The following TMCC3 variants were observed in gnomAD, a reference collection of about 807,000 sequenced individuals.
TMCC3 encodes the protein transmembrane and coiled-coil domain family 3, also known as transmembrane and coiled-coil domain protein 3.
In TMCC3, 28 loss-of-function variants were observed where a neutral mutation model predicts 40.2. The ratio of observed to expected loss-of-function variants is 0.70; its 90% CI spans 0.52 to 0.95. The LOEUF (loss-of-function observed/expected upper bound fraction) is 0.95, where lower values mean the gene tolerates loss of function less well. Ranked by LOEUF, TMCC3 falls within the 40% of genes least tolerant of loss-of-function variation. The pLI, the probability that TMCC3 is intolerant of heterozygous loss-of-function variation, is 0.00. For synonymous variants in TMCC3, 255 were observed against 248.5 expected (o/e 1.03, Z -0.25); for missense variants, 554 against 615.2 (o/e 0.90, Z 1.05).
chr12:94,634,593 G>C (rs1418697810), intron 1 of TMCC3, among the ~76,000 whole-genome samples: 1 of 152,128 alleles, frequency 6.6e-6, no homozygotes, highest in Non-Finnish European at 1.5e-5. Context: ...CAGAGTGCGA[G>C]TCAAACTTCT....
intron 1 of TMCC3, among the ~76,000 whole-genome samples, chr12:94,619,665 A>G (rs1395276568): frequency 6.6e-6 from 1 of 152,214 alleles, no homozygotes; most frequent in Non-Finnish European, 1.5e-5. Context: ...CTTTGACCTA[A>G]CAGTTTTGCT....
At chr12:94,648,432 G>A (rs762890980) in intron 1 of TMCC3, among the ~76,000 whole-genome samples, 1 of 151,956 alleles carries the variant, frequency 6.6e-6, no homozygotes, top group Non-Finnish European at 1.5e-5. Context: ...TCACCATCTC[G>A]GCCAGGCTGG....
In TMCC3 at chr12:94,582,115, T is replaced by C. The variant is rs201648269; in HGVS notation, c.502A>G (p.Lys168Glu). The change falls in exon 2 of 4, where the codon AAA becomes GAA. Residue 168 changes from lysine (K) to glutamate (E), a missense_variant. Transcript: ENST00000261226. ...GTTCGAGATTTCACGTGGGCATCTT[T>C]CAAAGAGCGATGTATATCCTTCAGG... ...DHLKDIHRSL[K>E]DAHVKSRTAP... The C allele has an allele frequency of 1.2e-6, 2 of 1,614,188 alleles. No homozygotes were observed. Among genetic ancestry groups the C allele is most frequent in the African/African-American group, 2.7e-5 (2 of 75,040 alleles).
intron 1 of TMCC3, among the ~76,000 whole-genome samples, chr12:94,622,036 A>G (rs1043386745): frequency 2.0e-5 from 3 of 152,240 alleles, no homozygotes; most frequent in Non-Finnish European, 4.4e-5. Flanking sequence ...AACCAGGTGA[A>G]GCGGGAACAC....
chr12:94,567,938 A>G lies in TMCC3; in HGVS notation c.*3497T>C, dbSNP rs2068504395. 6.6e-6 allele frequency: 1 copy of G among 152,240 alleles called. No homozygotes were observed. Among genetic ancestry groups the G allele is most frequent in the African/African-American group, 2.4e-5 (1 of 41,458 alleles). The allele number at this position is 152,240 out of a possible 1,614,324, so 9.4% of individuals were successfully genotyped here. ...TGAGGGAAGCTAGTTCCTCATTATT[A>G]CTGAGCCCATAATTAAACCTGATAT... On this transcript the variant is annotated 3_prime_UTR_variant, in exon 4 of 4. Transcript: ENST00000261226.
At chr12:94,635,744 A>C (rs1193550099) in intron 1 of TMCC3, among the ~76,000 whole-genome samples, 1 of 138,208 alleles carries the variant, frequency 7.2e-6, no homozygotes, top group South Asian at 2.2e-4. Context: ...ATCTTGGCTC[A>C]CTGCAACCTC....
At chr12:94,594,406 T>C (rs905181083) in intron 1 of TMCC3, among the ~76,000 whole-genome samples, 1 of 152,066 alleles carries the variant, frequency 6.6e-6, no homozygotes, top group Non-Finnish European at 1.5e-5. Context: ...CCAGGCCTAA[T>C]TTTAGGACTA....
At chr12:94,622,187 C>A (rs964143109) in intron 1 of TMCC3, among the ~76,000 whole-genome samples, 1 of 152,146 alleles carries the variant, frequency 6.6e-6, no homozygotes, top group African/African-American at 2.4e-5. Context: ...ACTCCACACC[C>A]ATGGCCTGAA....
chr12:94,649,578 C>A (rs760322096), intron 1 of TMCC3, among the ~76,000 whole-genome samples: 7 of 152,254 alleles, frequency 4.6e-5, no homozygotes, highest in Non-Finnish European at 7.3e-5. Context: ...CCAGCCTCGA[C>A]GATTCAACAG....
chr12:94,636,745 T>C (rs965681685), intron 1 of TMCC3, among the ~76,000 whole-genome samples: 26 of 152,260 alleles, frequency 1.7e-4, no homozygotes, highest in African/African-American at 5.8e-4. Context: ...ACTGTCGTGC[T>C]ATGGAACATG....
chr12:94,645,042 C>A (rs909653465), intron 1 of TMCC3, among the ~76,000 whole-genome samples: 3 of 152,142 alleles, frequency 2.0e-5, no homozygotes, highest in Admixed American at 6.6e-5. Context: ...TCCGGAACCA[C>A]AAGAATAAAT....
chr12:94,606,051 G>A (rs1185482809), intron 1 of TMCC3, among the ~76,000 whole-genome samples: 1 of 152,160 alleles, frequency 6.6e-6, no homozygotes, highest in Non-Finnish European at 1.5e-5. Context: ...GTGTGTAGGG[G>A]GGTGGATAGA....
chr12:94,610,443 A>AAT lies in TMCC3; in HGVS notation c.79-27906_79-27905insAT, dbSNP rs1555284475. ...CTTAAGGCAGGCAAAAAAAAAAAAA[A>AAT]TTTTTTTTTCAAGAGATATAAAGAA... On this transcript the variant is annotated intron_variant, in intron 1 of 3. Coordinates refer to ENST00000261226, the MANE Select transcript of TMCC3 (RefSeq NM_020698.4). Among the ~76,000 whole-genome samples the AAT allele has an allele frequency of 3.0e-3, 434 of 147,072 alleles. 3 individuals are homozygous for AAT. Among genetic ancestry groups the AAT allele is most frequent in the African/African-American group, 9.2e-3 (377 of 40,794 alleles).
rs77489449 is a variant in TMCC3 at position 94,633,287 on chromosome 12, A to T, written c.78+17066T>A. ...AATGATACACAGCTTCAGGTTATGG[A>T]GGCCTCTGAGGAAGCAGGAAGAGAG... is the stretch of plus-strand genomic sequence containing the variant. On this transcript the variant is annotated intron_variant, in intron 1 of 3. Transcript: ENST00000261226. 8.2e-3 allele frequency among the ~76,000 whole-genome samples: 1,255 copies of T among 152,288 alleles called. 7 individuals carry two copies. Among genetic ancestry groups the T allele is most frequent in the South Asian group, 0.023 (112 of 4,826 alleles).
Position 94,568,143 on chromosome 12 carries a change from A to G in TMCC3, c.*3292T>C, listed in dbSNP as rs2068505594. 6.6e-6 allele frequency: 1 copy of G among 152,210 alleles called. No individual in the cohort carries two copies. The highest frequency in any genetic ancestry group is 1.5e-5 in the Non-Finnish European group (1 of 68,042). The allele number at this position is 152,210 out of a possible 1,614,324, so 9.4% of individuals were successfully genotyped here. A position where few individuals can be genotyped will look rare whatever the true frequency, so the allele number is the denominator to read the frequency against. On this transcript the variant is annotated 3_prime_UTR_variant, in exon 4 of 4. Coordinates refer to ENST00000261226, the MANE Select transcript of TMCC3 (RefSeq NM_020698.4). Reference sequence around the variant, plus strand: ...GATTTCCTTCTGTGAATAGCTGACAAGGATCACGCAGGCAAAAATGCTACC... The same window carrying G: ...GATTTCCTTCTGTGAATAGCTGACAGGGATCACGCAGGCAAAAATGCTACC...
At chr12:94,584,301 C>T (rs1050588023) in intron 1 of TMCC3, among the ~76,000 whole-genome samples, 1 of 152,158 alleles carries the variant, frequency 6.6e-6, no homozygotes, top group African/African-American at 2.4e-5. Flanking sequence ...AGGCATCCTC[C>T]TGCTTTCGCC....
At chr12:94,584,478 A>G (rs2068626170) in intron 1 of TMCC3, among the ~76,000 whole-genome samples, 1 of 152,058 alleles carries the variant, frequency 6.6e-6, no homozygotes, top group Admixed American at 6.6e-5. Context: ...CTTTATAGCA[A>G]TGTGAGAACA....
chr12:94,616,026 AACAGC>A (rs1231809544), intron 1 of TMCC3: 1 of 985,234 alleles, frequency 1.0e-6, no homozygotes, highest in Non-Finnish European at 1.2e-6. Flanking sequence ...AGATATTCCA[AACAGC>A]ACCTACCATA....
Position 94,581,722 on chromosome 12 carries a change from C to T in TMCC3, c.895G>A (p.Asp299Asn). ...VILEELREIK[D>N]TQAQLAEDIE... The stretch of plus-strand genomic sequence containing the variant: ...TCCTCAGCCAGCTGAGCTTGGGTAT[C>T]CTTGATCTCCCTCAGTTCCTCCAGG... Residue 299 changes from aspartate (D) to asparagine (N), a missense_variant, in exon 2 of 4, where the codon GAT (aspartate) becomes AAT (asparagine). Coordinates refer to ENST00000261226, the MANE Select transcript of TMCC3 (RefSeq NM_020698.4). 1 of 1,614,230 alleles carries T rather than the reference C, an allele frequency of 6.2e-7. No homozygotes were observed. Among genetic ancestry groups the T allele is most frequent in the South Asian group, 1.1e-5 (1 of 91,088 alleles).
Sources: gnomAD v4.1 joint callset for allele counts (sites outside exome capture counted in the v4.1 genomes callset) on GRCh38, gnomAD v4.1.1 for gene constraint, MANE v1.5 for transcripts, NCBI Gene and HGNC (gene_info 2026-07-23, HGNC 2026-07-21) for gene names.